Variants in CADM2 observed in about 807,000 individuals in gnomAD.
CADM2 encodes the protein immunoglobulin superfamily member 4D.
Under a neutral mutation model 49.8 loss-of-function variants are expected in CADM2, and 12 were observed. The ratio of observed to expected loss-of-function variants is 0.24; its 90% CI spans 0.15 to 0.39. The LOEUF is 0.39. CADM2 is among the 10% of genes least tolerant of loss of function. The pLI is 1.00. For synonymous variants in CADM2, 214 were observed against 175.4 expected (o/e 1.22, Z -1.74); for missense variants, 378 against 492.3 (o/e 0.77, Z 2.20).
At chr3:86,013,815 C>G in intron 8 of CADM2, 1 of 1,589,278 alleles carries the variant, frequency 6.3e-7, no homozygotes, top group African/African-American at 1.3e-5. Context: ...GAAGCATTGT[C>G]GTGGTCAGGC....
intron 1 of CADM2, among the ~76,000 whole-genome samples, chr3:85,022,477 G>A (rs1221156513): frequency 6.6e-6 from 1 of 152,130 alleles, no homozygotes; most frequent in East Asian, 1.9e-4. Flanking sequence ...AGTGTTTCAG[G>A]ATTGTTAGTT....
intron 1 of CADM2, among the ~76,000 whole-genome samples, chr3:85,513,325 A>G (rs1237094057): frequency 2.0e-5 from 3 of 152,052 alleles, no homozygotes; most frequent in African/African-American, 7.2e-5. Context: ...AAGGGAAGGC[A>G]AAGTCTCATT....
At chr3:85,405,071 A>G (rs1405003136) in intron 1 of CADM2, among the ~76,000 whole-genome samples, 1 of 152,150 alleles carries the variant, frequency 6.6e-6, no homozygotes, top group Non-Finnish European at 1.5e-5. Context: ...ATTAGTGCAA[A>G]TGTTCAGAAA....
chr3:85,763,968 T>C (rs1188747529), intron 2 of CADM2, among the ~76,000 whole-genome samples: 2 of 152,144 alleles, frequency 1.3e-5, no homozygotes, highest in Admixed American at 1.3e-4. Context: ...AACTTTGTCT[T>C]CTTTCATTAC....
chr3:85,103,800 T>C (rs935179444), intron 1 of CADM2, among the ~76,000 whole-genome samples: 71 of 152,164 alleles, frequency 4.7e-4, no homozygotes, highest in African/African-American at 1.5e-3. Flanking sequence ...TTGAATTAGA[T>C]TGGTGGAAAT....
At chr3:85,779,920 C>G (rs567584230) in intron 2 of CADM2, among the ~76,000 whole-genome samples, 3 of 152,164 alleles carry the variant, frequency 2.0e-5, no homozygotes, top group African/African-American at 7.2e-5. Flanking sequence ...GTACAACAGG[C>G]AGGCTCACAA....
intron 1 of CADM2, among the ~76,000 whole-genome samples, chr3:85,319,068 A>G (rs2044538261): frequency 6.6e-6 from 1 of 152,182 alleles, no homozygotes; most frequent in African/African-American, 2.4e-5. Flanking sequence ...TTTAAGATTA[A>G]AGGCAAATCA....
intron 1 of CADM2, among the ~76,000 whole-genome samples, chr3:85,148,826 G>A (rs2039831230): frequency 6.6e-6 from 1 of 152,208 alleles, no homozygotes; most frequent in Middle Eastern, 3.4e-3. Flanking sequence ...AGTATAAGCT[G>A]ATACTAAATA....
At chr3:84,973,206 C>T (rs1020121326) in intron 1 of CADM2, among the ~76,000 whole-genome samples, 8 of 152,290 alleles carry the variant, frequency 5.3e-5, no homozygotes, top group Admixed American at 1.3e-4. Flanking sequence ...AGCCACTGTG[C>T]CCAGCCTGTA....
chr3:85,135,161 G>A (rs1320605083), intron 1 of CADM2, among the ~76,000 whole-genome samples: 1 of 151,762 alleles, frequency 6.6e-6, no homozygotes, highest in African/African-American at 2.4e-5. Context: ...TTTGATATAA[G>A]CAAACAAAAA....
At chr3:85,946,031 C>G (rs1722646779) in intron 7 of CADM2, among the ~76,000 whole-genome samples, 1 of 152,084 alleles carries the variant, frequency 6.6e-6, no homozygotes, top group Non-Finnish European at 1.5e-5. Context: ...TAGAAAACCC[C>G]ATCATCTGAG....
chr3:85,094,385 C>G (rs7623714), intron 1 of CADM2, among the ~76,000 whole-genome samples: 68,822 of 151,860 alleles, frequency 0.45, 18,042 homozygotes, highest in Non-Finnish European at 0.61. Context: ...GCTGACCAAC[C>G]ATTTTATAAA....
chr3:85,150,923 A>AAATAATAAT lies in CADM2; in HGVS notation c.61+191280_61+191288dup, dbSNP rs199583843. Reference sequence around the variant, plus strand: ...GACGCTGTTTCAAAAAAATAAAAATAAATAATAATAATAATAATAATAATA... The same window carrying AAATAATAAT: ...GACGCTGTTTCAAAAAAATAAAAATAAATAATAATAATAATAATAATAATAATAATAATA... On this transcript the variant is annotated intron_variant, in intron 1 of 9. Coordinates refer to ENST00000383699, the MANE Select transcript of CADM2 (RefSeq NM_001167675.2). Among the ~76,000 whole-genome samples the AAATAATAAT allele has an allele frequency of 4.5e-3, 658 of 146,810 alleles. 2 individuals are homozygous for AAATAATAAT. The highest frequency in any genetic ancestry group is 0.014 in the African/African-American group (543 of 39,746).
intron 1 of CADM2, among the ~76,000 whole-genome samples, chr3:84,984,679 A>G (rs1370986376): frequency 1.3e-5 from 2 of 152,142 alleles, no homozygotes; most frequent in Non-Finnish European, 2.9e-5. Context: ...AATACTAATT[A>G]AAGAACAAAC....
At position 85,961,431 on chromosome 3, in the gene CADM2, T is replaced by A. The variant is rs749558125; in HGVS notation, c.792-38T>A. ...TAAATTTACACATATTTAACATTTC[T>A]TATTTTTGCTATCTACATGCATGTT... is the stretch of plus-strand genomic sequence containing the variant. On this transcript the variant is annotated intron_variant, in intron 7 of 9. Transcript: ENST00000383699. The A allele has an allele frequency of 4.8e-6, 7 of 1,468,996 alleles. 1 individual carries two copies. In the South Asian group the frequency reaches 5.6e-5, roughly 12 times the overall value. The allele number at this position is 1,468,996 out of a possible 1,614,324, so 91.0% of individuals were successfully genotyped here. A position where few individuals can be genotyped will look rare whatever the true frequency, so the allele number is the denominator to read the frequency against.
chr3:85,695,622 TTACATACATAC>T (rs2066527906), intron 1 of CADM2, among the ~76,000 whole-genome samples: 1 of 151,594 alleles, frequency 6.6e-6, no homozygotes, highest in Non-Finnish European at 1.5e-5. Context: ...ACAAACACAC[TTACATACATAC>T]TACATTTTCT....
chr3:85,114,518 A>G (rs1016276955), intron 1 of CADM2, among the ~76,000 whole-genome samples: 2 of 152,226 alleles, frequency 1.3e-5, no homozygotes, highest in Admixed American at 1.3e-4. Flanking sequence ...TAACATGCCC[A>G]GACATGGCTC....
At chr3:85,259,691 C>A (rs2042970205) in intron 1 of CADM2, among the ~76,000 whole-genome samples, 1 of 152,120 alleles carries the variant, frequency 6.6e-6, no homozygotes, top group Non-Finnish European at 1.5e-5. Flanking sequence ...TTATCCAAAT[C>A]ACTCAAACCA....
At chr3:86,032,299 A>G (rs1734648806) in intron 8 of CADM2, among the ~76,000 whole-genome samples, 1 of 151,826 alleles carries the variant, frequency 6.6e-6, no homozygotes, top group Admixed American at 6.6e-5. Flanking sequence ...ACAGGTACAT[A>G]AAGTTTAAAA....
Sources: allele counts gnomAD v4.1 joint callset (sites outside exome capture counted in the v4.1 genomes callset), GRCh38; gene constraint gnomAD v4.1.1; transcripts MANE v1.5; gene names NCBI Gene and HGNC (gene_info 2026-07-23, HGNC 2026-07-21).